Variants in AGBL4 observed in about 807,000 individuals in gnomAD.
AGBL4 encodes the protein cytosolic carboxypeptidase 6.
Under a neutral mutation model 66.4 loss-of-function variants are expected in AGBL4, and 58 were observed. That is an observed-to-expected ratio of 0.87 (90% confidence interval 0.71 to 1.09). AGBL4 has a LOEUF of 1.09. Among genes scored for constraint, AGBL4 ranks in the 50% least tolerant of loss-of-function variants. AGBL4 has a pLI of 0.00. For missense variants in AGBL4, 579 were observed against 631.0 expected (o/e 0.92, Z 0.88); for synonymous variants, 234 against 222.9 (o/e 1.05, Z -0.44).
intron 4 of AGBL4, among the ~76,000 whole-genome samples, chr1:49,131,538 C>A (rs757375401): frequency 3.9e-5 from 6 of 151,956 alleles, no homozygotes; most frequent in Admixed American, 2.0e-4. Flanking sequence ...AAGCAGCTAA[C>A]CCAAATTAGG....
intron 1 of AGBL4, among the ~76,000 whole-genome samples, chr1:49,931,264 G>A (rs72905743): frequency 0.077 from 11,675 of 152,148 alleles, 1,194 homozygotes; most frequent in African/African-American, 0.23. Flanking sequence ...TTAAATAAAT[G>A]AAGATATACT....
In AGBL4 at chr1:49,925,646, C is replaced by A. The variant is rs546238985; in HGVS notation, c.35-74128G>T. ...ATGCCCTGGGCCAAAGAGGAGCCCA[C>A]TGCAATGAAACATGAGCCCTACACC... is the stretch of plus-strand genomic sequence containing the variant. On this transcript the variant is annotated intron_variant, in intron 1 of 13. Coordinates refer to ENST00000371839, the MANE Select transcript of AGBL4 (RefSeq NM_032785.4). 3.9e-5 allele frequency among the ~76,000 whole-genome samples: 6 copies of A among 152,262 alleles called. No homozygotes were observed. In the South Asian group the frequency reaches 1.2e-3, roughly 32 times the overall value.
At chr1:49,830,732 T>C (rs1018144538) in intron 2 of AGBL4, among the ~76,000 whole-genome samples, 1 of 152,244 alleles carries the variant, frequency 6.6e-6, no homozygotes, top group Non-Finnish European at 1.5e-5. Context: ...AGGGTTTGTA[T>C]GGTTTTAGGT....
intron 5 of AGBL4, among the ~76,000 whole-genome samples, chr1:48,926,244 A>ATTATTTTATT (rs138261010): frequency 0.021 from 3,048 of 142,334 alleles, 82 homozygotes; most frequent in African/African-American, 0.048. Flanking sequence ...ATGACCATGA[A>ATTATTTTATT]TTATTTTATT....
chr1:49,840,118 T>C (rs1645954078), intron 2 of AGBL4, among the ~76,000 whole-genome samples: 1 of 152,130 alleles, frequency 6.6e-6, no homozygotes, highest in Non-Finnish European at 1.5e-5. Flanking sequence ...TTTTGGTTGG[T>C]AGTCTTTTTA....
chr1:48,883,916 A>AAAAC (rs915827481), intron 5 of AGBL4, among the ~76,000 whole-genome samples: 32 of 152,310 alleles, frequency 2.1e-4, no homozygotes, highest in Admixed American at 3.9e-4. Flanking sequence ...GGGTCTATAA[A>AAAAC]AAACAAACAA....
chr1:49,324,419 G>GA (rs113313253), intron 3 of AGBL4, among the ~76,000 whole-genome samples: 10,363 of 150,446 alleles, frequency 0.069, 1,106 homozygotes, highest in African/African-American at 0.23. Flanking sequence ...GTATTCTGAA[G>GA]AAAAAAAAAC....
chr1:49,675,639 C>T (rs1646563954), intron 3 of AGBL4, among the ~76,000 whole-genome samples: 1 of 151,982 alleles, frequency 6.6e-6, no homozygotes, highest in Non-Finnish European at 1.5e-5. Context: ...TTACTCCAAA[C>T]AAAAGGCTCA....
rs531230904 is a variant in AGBL4 at position 49,940,857 on chromosome 1, TA to T, written c.34+82905del. On this transcript the variant is annotated intron_variant, in intron 1 of 13. Coordinates refer to ENST00000371839, the MANE Select transcript of AGBL4 (RefSeq NM_032785.4). ...CCTAAAACTTAAAGTATAATAATAA[TA>T]AAAAAAATAGAAAAGATTCACAAAA... is the stretch of plus-strand genomic sequence containing the variant. 6.6e-4 allele frequency among the ~76,000 whole-genome samples: 100 copies of T among 151,284 alleles called. 1 individual carries two copies. The highest frequency in any genetic ancestry group is 2.3e-3 in the South Asian group (11 of 4,798).
intron 6 of AGBL4, among the ~76,000 whole-genome samples, chr1:48,698,515 C>G (rs778590208): frequency 3.3e-5 from 5 of 152,240 alleles, no homozygotes; most frequent in Non-Finnish European, 7.3e-5. Flanking sequence ...ATCCTGAGCT[C>G]CTCCACTGCT....
At chr1:48,705,449 T>G (rs538935376) in intron 6 of AGBL4, among the ~76,000 whole-genome samples, 2 of 152,348 alleles carry the variant, frequency 1.3e-5, no homozygotes, top group East Asian at 3.9e-4. Flanking sequence ...ATACTTGCCA[T>G]GTGTATTGCA....
intron 3 of AGBL4, among the ~76,000 whole-genome samples, chr1:49,622,680 C>T (rs1645390647): frequency 6.7e-6 from 1 of 149,084 alleles, no homozygotes; most frequent in Admixed American, 6.7e-5. Flanking sequence ...TAATGCCTAC[C>T]TTGCAGGGTC....
At chr1:48,676,929 GC>G (rs1488656754) in intron 6 of AGBL4, among the ~76,000 whole-genome samples, 6 of 152,208 alleles carry the variant, frequency 3.9e-5, no homozygotes, top group African/African-American at 1.4e-4. Context: ...AAATTGTGCA[GC>G]CACAAGGAGA....
chr1:49,291,753 C>T (rs1165860126), intron 3 of AGBL4, among the ~76,000 whole-genome samples: 2 of 152,194 alleles, frequency 1.3e-5, no homozygotes, highest in East Asian at 3.9e-4. Flanking sequence ...GGAGTGGCTG[C>T]TGCCATCATG....
At chr1:49,978,341 G>C (rs552583610) in intron 1 of AGBL4, among the ~76,000 whole-genome samples, 1 of 152,258 alleles carries the variant, frequency 6.6e-6, no homozygotes, top group South Asian at 2.1e-4. Flanking sequence ...CTACTTAGGA[G>C]ACTGAGGCCA....
chr1:48,939,246 T>G (rs1308328814), intron 5 of AGBL4, among the ~76,000 whole-genome samples: 1 of 152,216 alleles, frequency 6.6e-6, no homozygotes, highest in Non-Finnish European at 1.5e-5. Flanking sequence ...GCTAAAAGAA[T>G]GTCTTGGCAA....
chr1:48,766,826 C>T (rs1644555337), intron 6 of AGBL4, among the ~76,000 whole-genome samples: 1 of 152,204 alleles, frequency 6.6e-6, no homozygotes, highest in South Asian at 2.1e-4. Context: ...GTCCTCTGCT[C>T]ATTCTTTTCT....
intron 2 of AGBL4, among the ~76,000 whole-genome samples, chr1:49,711,415 T>C (rs1346159819): frequency 6.6e-6 from 1 of 151,990 alleles, no homozygotes; most frequent in Non-Finnish European, 1.5e-5. Context: ...GAAAAAGAAA[T>C]GAATTATCAA....
chr1:49,181,850 G>T (rs1258703417), intron 4 of AGBL4, among the ~76,000 whole-genome samples: 1 of 152,196 alleles, frequency 6.6e-6, no homozygotes, highest in African/African-American at 2.4e-5. Flanking sequence ...TCTCCTTAAA[G>T]GGATTTCTAA....
Sources: allele counts gnomAD v4.1 joint callset (sites outside exome capture counted in the v4.1 genomes callset), GRCh38; gene constraint gnomAD v4.1.1; transcripts MANE v1.5; gene names NCBI Gene and HGNC (gene_info 2026-07-23, HGNC 2026-07-21).